Variants in NOTCH2NLC observed in about 807,000 individuals in gnomAD.
NOTCH2NLC encodes the protein notch 2 N-terminal like C.
NOTCH2NLC carries 4 observed loss-of-function variants against 17.7 expected under a neutral mutation model. That is an observed-to-expected ratio of 0.23 (90% CI 0.11 to 0.52). The LOEUF is 0.52. Ranked by LOEUF, NOTCH2NLC falls within the 20% of genes least tolerant of loss-of-function variation. NOTCH2NLC has a pLI of 0.96. For synonymous variants in NOTCH2NLC, 18 were observed against 86.0 expected (o/e 0.21, Z 4.38); for missense variants, 57 against 207.2 (o/e 0.28, Z 4.45).
rs1415523463 is a variant in NOTCH2NLC at position 149,390,704 on chromosome 1, T to G, written c.-84T>G. 3.9e-3 allele frequency: 4,808 copies of G among 1,240,154 alleles called. 252 individuals carry two copies. The highest frequency in any genetic ancestry group is 4.5e-3 in the Non-Finnish European group (4,501 of 989,872). 76.8% of individuals were successfully genotyped at this position (1,240,154 alleles called of 1,614,324 possible). A position where few individuals can be genotyped will look rare whatever the true frequency, so the allele number is the denominator to read the frequency against. On this transcript the variant is annotated 5_prime_UTR_variant, in exon 1 of 5. Coordinates refer to ENST00000650865, the MANE Select transcript of NOTCH2NLC (RefSeq NM_001364013.2). ...GAGTCGAGGCATTTGCGCCTGTGCT[T>G]CGGACCGTAGCGCCAGGGCCTGAGC...
chr1:149,432,632 A>G (rs2084459650), intron 2 of NOTCH2NLC, among the ~76,000 whole-genome samples: 1 of 151,022 alleles, frequency 6.6e-6, no homozygotes. Flanking sequence ...CTCTTGTGGT[A>G]GTTAACCCCA....
intron 1 of NOTCH2NLC, among the ~76,000 whole-genome samples, chr1:149,419,853 ATATTTTTTTTTTTT>A (rs1165704419): frequency 2.7e-5 from 3 of 110,910 alleles, no homozygotes; most frequent in African/African-American, 1.1e-4. Flanking sequence ...ATATATATAT[ATATTTTTTTTTTTT>A]TTTTTTTTTT....
At chr1:149,454,390 A>G (rs1310855687) in intron 2 of NOTCH2NLC, among the ~76,000 whole-genome samples, 2 of 103,966 alleles carry the variant, frequency 1.9e-5, no homozygotes, top group African/African-American at 7.3e-5. Context: ...ATGAAAATGG[A>G]GACTTACCAT....
intron 2 of NOTCH2NLC, among the ~76,000 whole-genome samples, chr1:149,440,010 C>T (rs879648881): frequency 6.7e-6 from 1 of 149,060 alleles, no homozygotes; most frequent in African/African-American, 2.5e-5. Flanking sequence ...TATTATTCAG[C>T]AAACACATTC....
At chr1:149,460,864 T>TTTCTTTCC (rs1327584034) in intron 3 of NOTCH2NLC, among the ~76,000 whole-genome samples, 154 of 12,340 alleles carry the variant, frequency 0.012, 5 homozygotes, top group South Asian at 0.022. Flanking sequence ...CCTTTCTTTC[T>TTTCTTTCC]TTCTTTCTTT....
chr1:149,448,724 G>T (rs1275284342), intron 2 of NOTCH2NLC, among the ~76,000 whole-genome samples: 1 of 149,764 alleles, frequency 6.7e-6, no homozygotes, highest in Non-Finnish European at 1.5e-5. Flanking sequence ...AAGAACATGT[G>T]TTAAGCCTTT....
intron 1 of NOTCH2NLC, among the ~76,000 whole-genome samples, chr1:149,417,239 A>G (rs2084341156): frequency 1.4e-5 from 2 of 147,512 alleles, no homozygotes; most frequent in East Asian, 4.1e-4. Flanking sequence ...CCTCCCAAGT[A>G]GCTGGGATTA....
intron 1 of NOTCH2NLC, among the ~76,000 whole-genome samples, chr1:149,395,939 G>T (rs1402903890): frequency 6.7e-6 from 1 of 149,748 alleles, no homozygotes; most frequent in Non-Finnish European, 1.5e-5. Flanking sequence ...ACATGATTTT[G>T]ATCCTTGAGG....
At chr1:149,425,464 G>A (rs1405376933) in intron 1 of NOTCH2NLC, among the ~76,000 whole-genome samples, 4 of 151,476 alleles carry the variant, frequency 2.6e-5, no homozygotes, top group Non-Finnish European at 5.9e-5. Flanking sequence ...AAACTGGGCA[G>A]AGAATGCAGT....
chr1:149,415,819 GT>G (rs2084332082), intron 1 of NOTCH2NLC, among the ~76,000 whole-genome samples: 1 of 145,998 alleles, frequency 6.8e-6, no homozygotes, highest in Non-Finnish European at 1.5e-5. Flanking sequence ...TAGCCTTTTA[GT>G]TTTCTTTTGG....
At chr1:149,424,999 G>A (rs1288366826) in intron 1 of NOTCH2NLC, among the ~76,000 whole-genome samples, 7 of 151,282 alleles carry the variant, frequency 4.6e-5, no homozygotes, top group East Asian at 3.9e-4. Flanking sequence ...TGGGGATTAC[G>A]TTTCAACGTG....
At chr1:149,412,812 CAAA>C (rs1171085478) in intron 1 of NOTCH2NLC, among the ~76,000 whole-genome samples, 244 of 43,738 alleles carry the variant, frequency 5.6e-3, no homozygotes, top group African/African-American at 0.019. Flanking sequence ...GACTGCATCT[CAAA>C]AAAAAAAAAA....
rs2084418272 is a variant in NOTCH2NLC at position 149,427,249 on chromosome 1, G to T, written c.136-3693G>T. Among the ~76,000 whole-genome samples, 2 of 148,394 alleles carry T rather than the reference G, an allele frequency of 1.3e-5. 1 individual carries two copies. The highest frequency in any genetic ancestry group is 3.0e-5 in the Non-Finnish European group (2 of 66,578). On this transcript the variant is annotated intron_variant, in intron 1 of 4. Transcript: ENST00000650865. ...ACATATACAAAAAAATTCTTCTTGT[G>T]TAACTGTAGCTTTTTGTACCCATTG...
intron 2 of NOTCH2NLC, among the ~76,000 whole-genome samples, chr1:149,454,263 T>A (rs1171140451): frequency 1.7e-3 from 34 of 19,622 alleles, no homozygotes; most frequent in African/African-American, 6.8e-3. Flanking sequence ...GAGGAATAAG[T>A]TGAATCACAT....
intron 1 of NOTCH2NLC, among the ~76,000 whole-genome samples, chr1:149,412,092 G>A (rs2084300871): frequency 8.9e-6 from 1 of 112,338 alleles, no homozygotes; most frequent in East Asian, 2.9e-4. Context: ...CATCTGTCTG[G>A]GTGACAGAGC....
In NOTCH2NLC at chr1:149,390,854, G is replaced by T. The variant is rs1276332102; in HGVS notation, c.67G>T (p.Ala23Ser). 1.4e-6 allele frequency: 2 copies of T among 1,401,678 alleles called. No individual in the cohort carries two copies. The highest frequency in any genetic ancestry group is 9.3e-7 in the Non-Finnish European group (1 of 1,081,054). 86.8% of individuals were successfully genotyped at this position (1,401,678 alleles called of 1,614,324 possible). The change falls in exon 1 of 5, where the codon GCC (alanine) becomes TCC (serine). Residue 23 changes from alanine to serine, a missense_variant. Transcript: ENST00000650865. ...GGGGGGDRED[A>S]RPAPLCCGRC... ...CGGAGGAGGCGGCGACCGAGAAGAT[G>T]CCCGCCCTGCGCCGCTCTGCTGTGG...
At position 149,470,270 on chromosome 1, in the gene NOTCH2NLC, T is replaced by C. The variant is rs1464133819; in HGVS notation, c.*6117T>C. 3.3e-5 allele frequency among the ~76,000 whole-genome samples: 5 copies of C among 151,086 alleles called. No individual in the cohort carries two copies. Among genetic ancestry groups the C allele is most frequent in the African/African-American group, 1.2e-4 (5 of 41,142 alleles). On this transcript the variant is annotated 3_prime_UTR_variant, in exon 5 of 5. Coordinates refer to ENST00000650865, the MANE Select transcript of NOTCH2NLC (RefSeq NM_001364013.2). ...ATAATACCACTGACAAATAATAATA[T>C]TAGCTAATATGTGTAAGGCACTGTG...
chr1:149,416,648 A>G (rs1168373198), intron 1 of NOTCH2NLC, among the ~76,000 whole-genome samples: 654 of 129,500 alleles, frequency 5.1e-3, no homozygotes, highest in South Asian at 8.9e-3. Context: ...CTGTGTTGCT[A>G]CTCTATTATT....
intron 2 of NOTCH2NLC, among the ~76,000 whole-genome samples, chr1:149,449,436 G>T (rs2084577063): frequency 6.7e-6 from 1 of 148,404 alleles, no homozygotes; most frequent in African/African-American, 2.5e-5. Flanking sequence ...AAAAGGTGAA[G>T]AAGCCTGGAA....
Sources: gnomAD v4.1 joint callset for allele counts (sites outside exome capture counted in the v4.1 genomes callset) on GRCh38, gnomAD v4.1.1 for gene constraint, MANE v1.5 for transcripts, NCBI Gene and HGNC (gene_info 2026-07-23, HGNC 2026-07-21) for gene names.